WWP2: variants seen among roughly 807,000 people sequenced by gnomAD.
WWP2 encodes the protein NEDD4-like E3 ubiquitin-protein ligase WWP2.
A neutral mutation model predicts 121.0 loss-of-function variants in WWP2; 57 were observed. The observed-to-expected ratio is 0.47, with a 90% confidence interval of 0.38 to 0.59. The LOEUF (loss-of-function observed/expected upper bound fraction) is 0.59, where lower values mean the gene tolerates loss of function less well. Among genes scored for constraint, WWP2 ranks in the 20% least tolerant of loss-of-function variants. The pLI, the probability that WWP2 is intolerant of heterozygous loss-of-function variation, is 0.00. For missense variants in WWP2, 962 were observed against 1,158.9 expected (o/e 0.83, Z 2.47); for synonymous variants, 449 against 441.3 (o/e 1.02, Z -0.22).
chr16:69,766,194 C>G (rs924806416), intron 1 of WWP2, among the ~76,000 whole-genome samples: 2 of 152,152 alleles, frequency 1.3e-5, no homozygotes, highest in African/African-American at 4.8e-5. Context: ...AAGCCAAAGA[C>G]CTTGGAGTCA....
intron 11 of WWP2, among the ~76,000 whole-genome samples, chr16:69,928,909 T>C (rs2058673826): frequency 6.6e-6 from 1 of 152,020 alleles, no homozygotes; most frequent in African/African-American, 2.4e-5. Context: ...AGGGAGAACT[T>C]GGAGGGTACA....
At chr16:69,808,881 C>T (rs1014098376) in intron 4 of WWP2, among the ~76,000 whole-genome samples, 1 of 152,188 alleles carries the variant, frequency 6.6e-6, no homozygotes, top group South Asian at 2.1e-4. Flanking sequence ...ATTTCTATTG[C>T]GTATGTACAG....
At chr16:69,842,396 T>A (rs181924378) in intron 6 of WWP2, among the ~76,000 whole-genome samples, 158 of 152,266 alleles carry the variant, frequency 1.0e-3, no homozygotes, top group African/African-American at 3.7e-3. Flanking sequence ...TATTGCATGA[T>A]GTTGAAGTTT....
At chr16:69,810,326 A>G (rs767593201) in intron 4 of WWP2, among the ~76,000 whole-genome samples, 1 of 152,238 alleles carries the variant, frequency 6.6e-6, no homozygotes, top group Non-Finnish European at 1.5e-5. Context: ...CATGGCTGCA[A>G]AAAGACTTGC....
At chr16:69,884,814 C>T (rs1022162388) in intron 7 of WWP2, among the ~76,000 whole-genome samples, 5 of 152,150 alleles carry the variant, frequency 3.3e-5, no homozygotes. Flanking sequence ...CTTTTCTTTA[C>T]AAACTGAACC....
At chr16:69,923,151 A>C (rs541132542) in intron 10 of WWP2, among the ~76,000 whole-genome samples, 1 of 151,990 alleles carries the variant, frequency 6.6e-6, no homozygotes, top group African/African-American at 2.4e-5. Context: ...CAGACTCCCA[A>C]AGTGCTGGGA....
Position 69,929,525 on chromosome 16 carries a change from C to G in WWP2, c.1312C>G (p.Gln438Glu). The change falls in exon 12 of 24, where the codon CAG (glutamine) becomes GAG (glutamate). Residue 438 changes from glutamine (Q) to glutamate (E), a missense_variant. Transcript: ENST00000359154. Reference protein sequence around the residue: ...RTTQWEDPRTQGMIQEPALPP... With the variant: ...RTTQWEDPRTEGMIQEPALPP... ...GACCCAGTGGGAGGATCCCCGGACC[C>G]AGGGGTAAGGACTTGGGCTGAGAGG... 3 of 1,614,032 alleles carry G rather than the reference C, an allele frequency of 1.9e-6. No homozygotes were observed. Among genetic ancestry groups the G allele is most frequent in the Non-Finnish European group, 2.5e-6 (3 of 1,179,968 alleles).
chr16:69,810,806 G>A (rs555484217), intron 4 of WWP2, among the ~76,000 whole-genome samples: 1 of 150,258 alleles, frequency 6.7e-6, no homozygotes, highest in African/African-American at 2.5e-5. Context: ...CCAGACTGGA[G>A]TGCAGTGGCA....
chr16:69,867,658 C>T (rs746894539), intron 6 of WWP2, among the ~76,000 whole-genome samples: 1 of 152,142 alleles, frequency 6.6e-6, no homozygotes, highest in Non-Finnish European at 1.5e-5. Flanking sequence ...CTTCAGGAGG[C>T]CTCAGTTCTT....
In WWP2 at chr16:69,940,716, T is replaced by G. The variant is rs1436577104; in HGVS notation, c.*776T>G. ...TGGCACCCCAGGTGTTCTGAGACCT[T>G]GAGGGACCCAGACCTTTGGGTCCAA... On this transcript the variant is annotated 3_prime_UTR_variant, in exon 24 of 24. Transcript: ENST00000359154. 1 of 152,330 alleles carries G rather than the reference T, an allele frequency of 6.6e-6. No individual in the cohort carries two copies. The highest frequency in any genetic ancestry group is 2.4e-5 in the African/African-American group (1 of 41,424). 9.4% of individuals were successfully genotyped at this position (152,330 alleles called of 1,614,324 possible).
At chr16:69,909,641 T>C (rs773110589) in intron 9 of WWP2, 74 of 985,346 alleles carry the variant, frequency 7.5e-5, no homozygotes, top group Non-Finnish European at 8.2e-5. Context: ...CAGTACTCAC[T>C]GTGTTTTCCA....
intron 8 of WWP2, among the ~76,000 whole-genome samples, chr16:69,892,808 A>G (rs1026885789): frequency 1.8e-4 from 27 of 152,264 alleles, no homozygotes; most frequent in African/African-American, 6.5e-4. Context: ...TGCTGGGATT[A>G]CAGGCATGAG....
rs1464721091 is a variant in WWP2 at position 69,939,405 on chromosome 16, C to T, written c.2505C>T (p.Ser835=). Residue 835 remains serine, a synonymous_variant, in exon 23 of 24, where the codon AGC becomes AGT. Coordinates refer to ENST00000359154, the MANE Select transcript of WWP2 (RefSeq NM_001270454.2). ...GCAAGGAAACCTGGCTGCCCAGAAG[C>T]CACACCTGGTGAGCCTGCTGGTTTT... ...KVGKETWLPR[S]HTCFNRLDLP... 6 of 1,614,044 alleles carry T rather than the reference C, an allele frequency of 3.7e-6. No homozygotes were observed. The highest frequency in any genetic ancestry group is 1.3e-5 in the African/African-American group (1 of 74,938).
chr16:69,836,147 A>G (rs1426847427), intron 4 of WWP2, among the ~76,000 whole-genome samples: 1 of 152,214 alleles, frequency 6.6e-6, no homozygotes, highest in African/African-American at 2.4e-5. Flanking sequence ...ATTAACAATA[A>G]TTTCAAACAT....
chr16:69,938,621 G>T (rs2058834627), intron 21 of WWP2, among the ~76,000 whole-genome samples: 1 of 152,224 alleles, frequency 6.6e-6, no homozygotes, highest in African/African-American at 2.4e-5. Flanking sequence ...ACTCCAGCCT[G>T]GGCGACAGAG....
At chr16:69,797,529 C>T (rs1160493493) in intron 2 of WWP2, among the ~76,000 whole-genome samples, 1 of 152,072 alleles carries the variant, frequency 6.6e-6, no homozygotes, top group African/African-American at 2.4e-5. Flanking sequence ...AATGTATGCA[C>T]ATGGCAGAGG....
At chr16:69,801,061 C>T (rs1215860737) in intron 4 of WWP2, among the ~76,000 whole-genome samples, 1 of 147,710 alleles carries the variant, frequency 6.8e-6, no homozygotes. Flanking sequence ...TGGTGGTGGG[C>T]GCCTGTAATC....
intron 6 of WWP2, among the ~76,000 whole-genome samples, chr16:69,861,535 A>AG (rs1451691168): frequency 6.6e-6 from 1 of 152,066 alleles, no homozygotes; most frequent in African/African-American, 2.4e-5. Context: ...GGCAGTCCAG[A>AG]GGTAGGGTGT....
At chr16:69,876,044 G>A (rs961342967) in intron 7 of WWP2, among the ~76,000 whole-genome samples, 1 of 151,828 alleles carries the variant, frequency 6.6e-6, no homozygotes, top group Non-Finnish European at 1.5e-5. Flanking sequence ...TGCAACCTCC[G>A]CCTCCTGGGT....
Sources: allele counts gnomAD v4.1 joint callset (sites outside exome capture counted in the v4.1 genomes callset), GRCh38; gene constraint gnomAD v4.1.1; transcripts MANE v1.5; gene names NCBI Gene and HGNC (gene_info 2026-07-23, HGNC 2026-07-21).